Variants in NRG3 observed in about 807,000 individuals in gnomAD.
NRG3 encodes pro-neuregulin-3, membrane-bound isoform.
In NRG3, 31 loss-of-function variants were observed where a neutral mutation model predicts 66.9. That is an observed-to-expected ratio of 0.46 (90% CI 0.35 to 0.63). NRG3 has a LOEUF of 0.63. Ranked by LOEUF, NRG3 falls within the 20% of genes least tolerant of loss-of-function variation. NRG3 has a pLI of 0.00. For missense variants in NRG3, 910 were observed against 878.9 expected, an observed-to-expected ratio of 1.04 and a Z score of -0.45; for synonymous variants, 393 against 359.4, an observed-to-expected ratio of 1.09 and a Z score of -1.06.
At chr10:82,564,009 A>G (rs1381916462) in intron 2 of NRG3, among the ~76,000 whole-genome samples, 4 of 152,138 alleles carry the variant, frequency 2.6e-5, no homozygotes. Context: ...AATTAAAATT[A>G]AAAGTACTTC....
chr10:82,630,343 A>G (rs968433676), intron 2 of NRG3, among the ~76,000 whole-genome samples: 8 of 137,362 alleles, frequency 5.8e-5, no homozygotes, highest in African/African-American at 2.2e-4. Context: ...GAGGCAAGAT[A>G]TATATGGTTT....
At chr10:82,213,207 A>G (rs936679943) in intron 1 of NRG3, among the ~76,000 whole-genome samples, 2 of 152,184 alleles carry the variant, frequency 1.3e-5, no homozygotes, top group East Asian at 3.8e-4. Flanking sequence ...CTCAACCTCA[A>G]TTTCTAATAC....
chr10:81,966,716 C>G (rs1472987368), intron 1 of NRG3, among the ~76,000 whole-genome samples: 4 of 152,106 alleles, frequency 2.6e-5, no homozygotes, highest in Non-Finnish European at 5.9e-5. Flanking sequence ...TTCAAGTCAT[C>G]TTACTAGTAT....
intron 1 of NRG3, among the ~76,000 whole-genome samples, chr10:82,236,683 A>C (rs544190195): frequency 7.4e-6 from 1 of 134,862 alleles, no homozygotes; most frequent in African/African-American, 2.8e-5. Context: ...GCCTCCCTCT[A>C]TCTCCTTCTC....
intron 2 of NRG3, among the ~76,000 whole-genome samples, chr10:82,476,259 G>T (rs1841773195): frequency 6.6e-6 from 1 of 152,188 alleles, no homozygotes; most frequent in Non-Finnish European, 1.5e-5. Flanking sequence ...CTGCTGGTAA[G>T]GATGTAAAAT....
chr10:82,418,437 A>T (rs868586935), intron 2 of NRG3, among the ~76,000 whole-genome samples: 1 of 152,208 alleles, frequency 6.6e-6, no homozygotes, highest in Non-Finnish European at 1.5e-5. Context: ...TGTTTATGCA[A>T]ATTAACCAGT....
At chr10:82,096,481 C>T (rs936477554) in intron 1 of NRG3, among the ~76,000 whole-genome samples, 1 of 151,078 alleles carries the variant, frequency 6.6e-6, no homozygotes. Flanking sequence ...AAAAAACGAA[C>T]AAACAAAAAA....
At chr10:82,694,315 A>G (rs1200212569) in intron 2 of NRG3, among the ~76,000 whole-genome samples, 1 of 152,254 alleles carries the variant, frequency 6.6e-6, no homozygotes, top group Non-Finnish European at 1.5e-5. Flanking sequence ...CACTCAGCCC[A>G]GGAAGTCCAG....
At chr10:81,956,350 G>C (rs73306550) in intron 1 of NRG3, among the ~76,000 whole-genome samples, 14,387 of 152,170 alleles carry the variant, frequency 0.095, 895 homozygotes, top group African/African-American at 0.17. Flanking sequence ...GTTCCAGGCT[G>C]AAGCCAGCAT....
intron 1 of NRG3, among the ~76,000 whole-genome samples, chr10:82,074,928 A>G (rs2065008133): frequency 6.6e-6 from 1 of 152,216 alleles, no homozygotes. Context: ...GTCTTTTGCC[A>G]GCAGTATATG....
chr10:82,637,600 G>A (rs1443828140), intron 2 of NRG3, among the ~76,000 whole-genome samples: 1 of 152,068 alleles, frequency 6.6e-6, no homozygotes, highest in Admixed American at 6.6e-5. Context: ...GGGAACATCA[G>A]GAAAACCAAA....
At chr10:81,943,727 G>T (rs1017516790) in intron 1 of NRG3, among the ~76,000 whole-genome samples, 1 of 152,182 alleles carries the variant, frequency 6.6e-6, no homozygotes, top group African/African-American at 2.4e-5. Context: ...TTTGCTGCTG[G>T]CCTCTGAGGC....
chr10:82,963,364 G>C (rs1044507477), intron 6 of NRG3, among the ~76,000 whole-genome samples: 1 of 152,196 alleles, frequency 6.6e-6, no homozygotes, highest in Non-Finnish European at 1.5e-5. Flanking sequence ...AAATGAAGAG[G>C]CAGTTCCCAA....
At chr10:82,452,401 A>G (rs1042235783) in intron 2 of NRG3, among the ~76,000 whole-genome samples, 3 of 152,222 alleles carry the variant, frequency 2.0e-5, no homozygotes, top group Non-Finnish European at 4.4e-5. Flanking sequence ...TTACCTTGTA[A>G]TGTATAGAAC....
intron 1 of NRG3, among the ~76,000 whole-genome samples, chr10:81,894,735 GT>G (rs1843364417): frequency 6.6e-6 from 1 of 152,148 alleles, no homozygotes; most frequent in Non-Finnish European, 1.5e-5. Flanking sequence ...CATCCTGAGC[GT>G]TCTGTCCTCG....
At chr10:82,786,669 T>A (rs2060378201) in intron 3 of NRG3, among the ~76,000 whole-genome samples, 1 of 152,156 alleles carries the variant, frequency 6.6e-6, no homozygotes, top group African/African-American at 2.4e-5. Context: ...AAAAAGAATT[T>A]ATTTTGTGTG....
At chr10:82,127,620 A>G (rs1181830516) in intron 1 of NRG3, among the ~76,000 whole-genome samples, 1 of 152,006 alleles carries the variant, frequency 6.6e-6, no homozygotes, top group Non-Finnish European at 1.5e-5. Flanking sequence ...GTAAATATGC[A>G]CAGTAAACCT....
intron 4 of NRG3, among the ~76,000 whole-genome samples, chr10:82,897,526 T>C (rs1288055971): frequency 3.3e-5 from 5 of 152,178 alleles, no homozygotes; most frequent in Admixed American, 1.3e-4. Flanking sequence ...TTTTTTGTTT[T>C]GTTTTGTTTT....
At chr10:82,923,151 C>A (rs1269399840) in intron 4 of NRG3, among the ~76,000 whole-genome samples, 1 of 152,216 alleles carries the variant, frequency 6.6e-6, no homozygotes, top group African/African-American at 2.4e-5. Flanking sequence ...ATCTCCCAGC[C>A]ATGCCCATTG....
Sources: gnomAD v4.1 joint callset for allele counts (sites outside exome capture counted in the v4.1 genomes callset) on GRCh38, gnomAD v4.1.1 for gene constraint, MANE v1.5 for transcripts, NCBI Gene and HGNC (gene_info 2026-07-23, HGNC 2026-07-21) for gene names.